The following RPS6KA5 variants were observed in gnomAD, a reference collection of about 807,000 sequenced individuals.
RPS6KA5 encodes ribosomal protein S6 kinase A5.
A neutral mutation model predicts 85.5 loss-of-function variants in RPS6KA5; 27 were observed. That is an observed-to-expected ratio of 0.32 (90% CI 0.23 to 0.44). The LOEUF is 0.44. Among genes scored for constraint, RPS6KA5 ranks in the 20% least tolerant of loss-of-function variants. RPS6KA5 has a pLI of 1.00. For synonymous variants in RPS6KA5, 334 were observed against 348.2 expected (o/e 0.96, Z 0.46); for missense variants, 811 against 980.9 (o/e 0.83, Z 2.31).
At chr14:91,041,872 C>G (rs565015931) in intron 1 of RPS6KA5, among the ~76,000 whole-genome samples, 1 of 152,322 alleles carries the variant, frequency 6.6e-6, no homozygotes, top group South Asian at 2.1e-4. Flanking sequence ...TTTGGAATTA[C>G]ATGATTGAGC....
chr14:90,950,681 A>G (rs2038127099), intron 3 of RPS6KA5, among the ~76,000 whole-genome samples: 1 of 152,212 alleles, frequency 6.6e-6, no homozygotes, highest in African/African-American at 2.4e-5. Flanking sequence ...GATATGATAT[A>G]TTAAACTGAT....
At chr14:91,007,580 T>C (rs2041074767) in intron 1 of RPS6KA5, among the ~76,000 whole-genome samples, 1 of 152,214 alleles carries the variant, frequency 6.6e-6, no homozygotes, top group Non-Finnish European at 1.5e-5. Context: ...TTTAATGCTC[T>C]CACAAAGCAA....
chr14:91,026,545 T>G (rs1013044500), intron 1 of RPS6KA5, among the ~76,000 whole-genome samples: 4 of 152,208 alleles, frequency 2.6e-5, no homozygotes, highest in Non-Finnish European at 5.9e-5. Flanking sequence ...ACATTTTCTT[T>G]ATCTAATCCA....
chr14:90,879,134 T>G (rs2033665640), intron 14 of RPS6KA5, among the ~76,000 whole-genome samples: 1 of 152,232 alleles, frequency 6.6e-6, no homozygotes, highest in South Asian at 2.1e-4. Flanking sequence ...CCAAGAGCAG[T>G]GCATCATGTG....
At chr14:90,943,307 T>G (rs1380503854) in intron 4 of RPS6KA5, 122 bp from the exon 5 acceptor site, 10 of 598,092 alleles carry the variant, frequency 1.7e-5, no homozygotes, top group Non-Finnish European at 2.3e-5. Context: ...CTCAGGATCC[T>G]GTAATGGCTC....
intron 1 of RPS6KA5, among the ~76,000 whole-genome samples, chr14:91,019,634 T>A (rs2041659514): frequency 6.6e-6 from 1 of 151,618 alleles, no homozygotes; most frequent in South Asian, 2.1e-4. Context: ...AATGATTCTA[T>A]TTACAGTTTT....
chr14:91,010,745 A>C (rs1239732791), intron 1 of RPS6KA5, among the ~76,000 whole-genome samples: 1 of 152,206 alleles, frequency 6.6e-6, no homozygotes, highest in East Asian at 1.9e-4. Flanking sequence ...TTCCAACTTA[A>C]GACAGATGAC....
intron 4 of RPS6KA5, among the ~76,000 whole-genome samples, chr14:90,944,434 A>G (rs1473657924): frequency 2.0e-5 from 3 of 151,460 alleles, no homozygotes; most frequent in African/African-American, 7.3e-5. Flanking sequence ...TGGGCAACAC[A>G]GTGAGACCCA....
rs990269938 is a variant in RPS6KA5 at position 90,867,831 on chromosome 14, C to G, written c.*4243G>C. ...CTAATAGTAGGAAAATATTAGGCAC[C>G]TACTTAATTCACAAATTCATGAAAC... On this transcript the variant is annotated 3_prime_UTR_variant, in exon 17 of 17. Coordinates refer to ENST00000614987, the MANE Select transcript of RPS6KA5 (RefSeq NM_004755.4). 4.6e-5 allele frequency: 7 copies of G among 152,158 alleles called. No homozygotes were observed. Among genetic ancestry groups the G allele is most frequent in the African/African-American group, 1.7e-4 (7 of 41,448 alleles). 9.4% of individuals were successfully genotyped at this position (152,158 alleles called of 1,614,324 possible).
chr14:90,873,920 C>T (rs2033287175), intron 15 of RPS6KA5, 125 bp from the exon 16 acceptor site: 3 of 687,140 alleles, frequency 4.4e-6, no homozygotes, highest in South Asian at 2.7e-5. Context: ...TAACCTCCTA[C>T]AAAGATAATT....
intron 3 of RPS6KA5, among the ~76,000 whole-genome samples, chr14:90,976,093 T>C (rs1338532521): frequency 6.6e-6 from 1 of 151,138 alleles, no homozygotes; most frequent in Non-Finnish European, 1.5e-5. Context: ...TCTAGTCTAA[T>C]ACAAAATATT....
intron 4 of RPS6KA5, among the ~76,000 whole-genome samples, 169 bp from the exon 5 acceptor site, chr14:90,943,354 C>T (rs1372935835): frequency 1.3e-5 from 2 of 151,342 alleles, no homozygotes; most frequent in African/African-American, 2.4e-5. Context: ...ATTCTTTTAT[C>T]TGCTGCGTTC....
intron 1 of RPS6KA5, among the ~76,000 whole-genome samples, chr14:91,007,638 C>G (rs1245430299): frequency 2.6e-5 from 4 of 151,628 alleles, no homozygotes; most frequent in Non-Finnish European, 5.9e-5. Flanking sequence ...TCACAGGTAC[C>G]TTTTCACATT....
intron 1 of RPS6KA5, among the ~76,000 whole-genome samples, chr14:91,042,795 G>A (rs986248840): frequency 6.6e-5 from 10 of 151,568 alleles, no homozygotes; most frequent in South Asian, 2.1e-4. Flanking sequence ...TGACACCATC[G>A]TCTATCCCAT....
At chr14:91,040,144 C>T (rs149224169) in intron 1 of RPS6KA5, among the ~76,000 whole-genome samples, 131 of 152,340 alleles carry the variant, frequency 8.6e-4, no homozygotes, top group African/African-American at 3.0e-3. Context: ...AGGTGGCTCA[C>T]GCCTGTAATC....
intron 14 of RPS6KA5, among the ~76,000 whole-genome samples, chr14:90,880,638 G>A (rs1595111797): frequency 6.6e-6 from 1 of 152,060 alleles, no homozygotes; most frequent in East Asian, 1.9e-4. Context: ...CCATTATTGA[G>A]AGTTGGGTAT....
intron 4 of RPS6KA5, among the ~76,000 whole-genome samples, chr14:90,945,233 C>A (rs1251537391): frequency 1.3e-5 from 2 of 152,270 alleles, no homozygotes; most frequent in East Asian, 1.9e-4. Flanking sequence ...GCCTGGGCAA[C>A]AGAGTAAGAC....
chr14:91,014,483 T>C lies in RPS6KA5; in HGVS notation c.104-13324A>G, dbSNP rs1394703689. Among the ~76,000 whole-genome samples, 3 of 150,044 alleles carry C rather than the reference T, an allele frequency of 2.0e-5. No individual in the cohort carries two copies. In the South Asian group the frequency reaches 6.3e-4, roughly 32 times the overall value. On this transcript the variant is annotated intron_variant, in intron 1 of 16. Transcript: ENST00000614987. Reference sequence around the variant, plus strand: ...CACCACTGCACTCCAGCCTGGGGAATTGAGATAGACTCCATCTCAAAAAAA... The same window carrying C: ...CACCACTGCACTCCAGCCTGGGGAACTGAGATAGACTCCATCTCAAAAAAA...
chr14:90,873,166 CCA>C (rs773363542), intron 16 of RPS6KA5, among the ~76,000 whole-genome samples: 4 of 152,164 alleles, frequency 2.6e-5, no homozygotes, highest in Non-Finnish European at 5.9e-5. Flanking sequence ...TGTGCATAAT[CCA>C]CAGTTTCTAC....
Sources: allele counts gnomAD v4.1 joint callset (sites outside exome capture counted in the v4.1 genomes callset), GRCh38; gene constraint gnomAD v4.1.1; transcripts MANE v1.5; gene names NCBI Gene and HGNC (gene_info 2026-07-23, HGNC 2026-07-21).